Variants in BORCS5 observed in about 807,000 individuals in gnomAD.
BORCS5 encodes the protein BLOC-1-related complex subunit 5.
Under a neutral mutation model 22.1 loss-of-function variants are expected in BORCS5, and 17 were observed. That is an observed-to-expected ratio of 0.77 (90% confidence interval 0.53 to 1.15). BORCS5 has a LOEUF of 1.15. Among genes scored for constraint, BORCS5 ranks in the 50% most tolerant of loss-of-function variants. BORCS5 has a pLI of 0.00. For missense variants in BORCS5, 247 were observed against 253.2 expected, an observed-to-expected ratio of 0.98 and a Z score of 0.17; for synonymous variants, 117 against 99.8, an observed-to-expected ratio of 1.17 and a Z score of -1.03.
chr12:12,359,364 CTTT>C (rs35732827), intron 1 of BORCS5, among the ~76,000 whole-genome samples: 18 of 115,874 alleles, frequency 1.6e-4, no homozygotes, highest in Admixed American at 3.7e-4. Context: ...AGACTTGACT[CTTT>C]TTTTTTTTTT....
chr12:12,435,849 C>T, intron 3 of BORCS5, 64 bp downstream of exon 3: 3 of 1,497,074 alleles, frequency 2.0e-6, no homozygotes, highest in Middle Eastern at 1.7e-4. Context: ...ACTCTGGATG[C>T]CATCTTAAGA....
chr12:12,367,165 T>C (rs1863423354), intron 2 of BORCS5, among the ~76,000 whole-genome samples: 2 of 152,078 alleles, frequency 1.3e-5, no homozygotes, highest in South Asian at 4.1e-4. Flanking sequence ...AACCTGAAAG[T>C]GTAGCTAGGG....
intron 2 of BORCS5, among the ~76,000 whole-genome samples, chr12:12,394,708 T>C (rs781529058): frequency 6.6e-6 from 1 of 151,922 alleles, no homozygotes; most frequent in Non-Finnish European, 1.5e-5. Flanking sequence ...AAAACAAACC[T>C]CATGGTTGAC....
chr12:12,445,595 G>T (rs932988364), intron 3 of BORCS5, among the ~76,000 whole-genome samples: 26 of 129,714 alleles, frequency 2.0e-4, no homozygotes, highest in African/African-American at 7.6e-4. Flanking sequence ...TTCTGAGCCA[G>T]TGGGTCTGGA....
At chr12:12,404,742 A>G (rs566832319) in intron 2 of BORCS5, among the ~76,000 whole-genome samples, 11 of 152,320 alleles carry the variant, frequency 7.2e-5, no homozygotes, top group African/African-American at 2.2e-4. Flanking sequence ...TCTGTTGCCC[A>G]GGCTGGAATG....
At chr12:12,358,194 T>A (rs1293187215) in intron 1 of BORCS5, among the ~76,000 whole-genome samples, 1 of 152,212 alleles carries the variant, frequency 6.6e-6, no homozygotes, top group Non-Finnish European at 1.5e-5. Context: ...TTTGCTGCTT[T>A]TTTTGTTACC....
chr12:12,414,114 C>T (rs1451426040), intron 2 of BORCS5, among the ~76,000 whole-genome samples: 10 of 84,984 alleles, frequency 1.2e-4, no homozygotes, highest in Non-Finnish European at 2.5e-4. Context: ...GGGGGCTGAC[C>T]CCCCCCACCT....
At chr12:12,438,381 CGAAA>C (rs796110247) in intron 3 of BORCS5, among the ~76,000 whole-genome samples, 13 of 65,174 alleles carry the variant, frequency 2.0e-4, no homozygotes, top group African/African-American at 1.2e-3. Context: ...AAAAAAAAAA[CGAAA>C]AACAACAACA....
chr12:12,381,457 T>C (rs1029392399), intron 2 of BORCS5, among the ~76,000 whole-genome samples: 1 of 151,352 alleles, frequency 6.6e-6, no homozygotes, highest in Non-Finnish European at 1.5e-5. Context: ...GTTGAAAAGA[T>C]TGTGTTTTCC....
At chr12:12,449,700 A>T (rs1303354611) in intron 3 of BORCS5, among the ~76,000 whole-genome samples, 1 of 152,232 alleles carries the variant, frequency 6.6e-6, no homozygotes, top group South Asian at 2.1e-4. Flanking sequence ...CAAAGGAAAC[A>T]GGGTGACTTC....
intron 3 of BORCS5, among the ~76,000 whole-genome samples, chr12:12,453,988 C>A (rs751666208): frequency 6.6e-5 from 10 of 152,176 alleles, no homozygotes; most frequent in Non-Finnish European, 1.3e-4. Flanking sequence ...CAAGGTTTAT[C>A]CATGTTGTAG....
intron 1 of BORCS5, among the ~76,000 whole-genome samples, chr12:12,358,355 C>T (rs942765021): frequency 1.3e-5 from 2 of 152,164 alleles, no homozygotes; most frequent in South Asian, 2.1e-4. Flanking sequence ...GCTAATAGAT[C>T]TAAGGGTGTT....
chr12:12,445,955 T>G (rs1055633316), intron 3 of BORCS5, among the ~76,000 whole-genome samples: 1 of 152,180 alleles, frequency 6.6e-6, no homozygotes, highest in Non-Finnish European at 1.5e-5. Flanking sequence ...TGTTTTGTTT[T>G]GTTTTGTTTT....
intron 2 of BORCS5, among the ~76,000 whole-genome samples, chr12:12,384,718 A>T (rs1451138132): frequency 6.6e-6 from 1 of 151,172 alleles, no homozygotes; most frequent in Non-Finnish European, 1.5e-5. Flanking sequence ...TTAAAAGACG[A>T]CAATCACTTT....
At chr12:12,357,722 G>A (rs1463670045) in intron 1 of BORCS5, among the ~76,000 whole-genome samples, 1 of 152,170 alleles carries the variant, frequency 6.6e-6, no homozygotes, top group Non-Finnish European at 1.5e-5. Context: ...GTGGGCGCCA[G>A]TGCCCTTATT....
At chr12:12,414,950 G>A (rs1215374645) in intron 2 of BORCS5, among the ~76,000 whole-genome samples, 2 of 135,690 alleles carry the variant, frequency 1.5e-5, no homozygotes, top group Non-Finnish European at 3.3e-5. Flanking sequence ...CTCAGACGAT[G>A]GGCGGCCGGG....
intron 2 of BORCS5, among the ~76,000 whole-genome samples, chr12:12,435,139 C>T: frequency 6.6e-6 from 1 of 152,178 alleles, no homozygotes; most frequent in East Asian, 1.9e-4. Context: ...TTTAGCATCT[C>T]CTAGCAGTTT....
intron 1 of BORCS5, among the ~76,000 whole-genome samples, chr12:12,360,611 A>AT (rs1863260349): frequency 1.7e-5 from 2 of 114,596 alleles, no homozygotes; most frequent in African/African-American, 6.9e-5. Context: ...GGGTCTCACT[A>AT]TGTTGCCCAG....
chr12:12,410,101 A>C (rs1373439061), intron 2 of BORCS5, among the ~76,000 whole-genome samples: 1 of 151,870 alleles, frequency 6.6e-6, no homozygotes, highest in Non-Finnish European at 1.5e-5. Context: ...AATTTGTTTG[A>C]GTTCATTGTA....
Sources: allele counts gnomAD v4.1 joint callset (sites outside exome capture counted in the v4.1 genomes callset), GRCh38; gene constraint gnomAD v4.1.1; transcripts MANE v1.5; gene names NCBI Gene and HGNC (gene_info 2026-07-23, HGNC 2026-07-21).